Variants in CALN1 observed in about 807,000 individuals in gnomAD.
The protein encoded by CALN1 is calneuron 1.
CALN1 carries 17 observed loss-of-function variants against 30.6 expected under a neutral mutation model. The ratio of observed to expected loss-of-function variants is 0.56; its 90% CI spans 0.38 to 0.83. The LOEUF is 0.83. Ranked by LOEUF, CALN1 falls within the 40% of genes least tolerant of loss-of-function variation. The probability of loss-of-function intolerance (pLI) is 0.00; values close to 1 mark genes in which losing one functional copy is unlikely to be tolerated. For synonymous variants in CALN1, 156 were observed against 131.4 expected, an observed-to-expected ratio of 1.19 and a Z score of -1.28; for missense variants, 291 against 354.9, an observed-to-expected ratio of 0.82 and a Z score of 1.45.
chr7:72,132,291 C>G lies in CALN1; in HGVS notation c.245-25997G>C, dbSNP rs749102282. 5.5e-4 allele frequency among the ~76,000 whole-genome samples: 83 copies of G among 152,170 alleles called. 2 individuals carry two copies. The highest frequency in any genetic ancestry group is 3.7e-3 in the Admixed American group (56 of 15,282). ...TCAGCCTACCATTGGGCAAAACCAT[C>G]TAACATAAGGCCAATTTTATAATAA... is the stretch of plus-strand genomic sequence containing the variant. On this transcript the variant is annotated intron_variant, in intron 3 of 6. Coordinates refer to ENST00000395275, the MANE Select transcript of CALN1 (RefSeq NM_031468.4).
intron 2 of CALN1, among the ~76,000 whole-genome samples, chr7:72,363,840 T>G (rs1398194735): frequency 6.7e-6 from 1 of 149,246 alleles, no homozygotes; most frequent in African/African-American, 2.5e-5. Context: ...TGATTTGCAA[T>G]TCTCTTGCCT....
At chr7:72,212,813 C>T (rs548648629) in intron 3 of CALN1, among the ~76,000 whole-genome samples, 1 of 152,252 alleles carries the variant, frequency 6.6e-6, no homozygotes, top group South Asian at 2.1e-4. Flanking sequence ...GACTCTGACT[C>T]CTAAGAAAAC....
intron 3 of CALN1, among the ~76,000 whole-genome samples, chr7:72,126,728 G>A (rs1177467797): frequency 7.0e-6 from 1 of 141,930 alleles, no homozygotes; most frequent in Admixed American, 7.5e-5. Flanking sequence ...CCATTCCTGA[G>A]TTGCTTCACT....
chr7:72,134,783 C>CT (rs1176530315), intron 3 of CALN1, among the ~76,000 whole-genome samples: 1 of 152,098 alleles, frequency 6.6e-6, no homozygotes, highest in Admixed American at 6.5e-5. Flanking sequence ...TAGATGGACT[C>CT]TTCATTTCAT....
intron 2 of CALN1, among the ~76,000 whole-genome samples, chr7:72,313,892 A>C (rs2129556632): frequency 6.6e-6 from 1 of 152,320 alleles, no homozygotes; most frequent in South Asian, 2.1e-4. Context: ...GAGATGTGGA[A>C]GGCACAAAGA....
intron 4 of CALN1, among the ~76,000 whole-genome samples, chr7:72,031,594 C>T (rs1392515262): frequency 2.0e-5 from 3 of 152,090 alleles, no homozygotes; most frequent in Admixed American, 2.0e-4. Flanking sequence ...TTGCTAGAGA[C>T]AGGATCTCAC....
chr7:71,827,228 C>G (rs557826016), intron 5 of CALN1, among the ~76,000 whole-genome samples: 1 of 152,138 alleles, frequency 6.6e-6, no homozygotes, highest in Non-Finnish European at 1.5e-5. Context: ...GTGGGTCCTC[C>G]GGCGGCAAAT....
At chr7:72,428,586 A>G (rs1279996069) in intron 1 of CALN1, among the ~76,000 whole-genome samples, 1 of 152,042 alleles carries the variant, frequency 6.6e-6, no homozygotes, top group Non-Finnish European at 1.5e-5. Flanking sequence ...GAGACAGGGT[A>G]TCACCATGTT....
At chr7:71,972,097 G>A (rs1797876985) in intron 5 of CALN1, among the ~76,000 whole-genome samples, 1 of 152,006 alleles carries the variant, frequency 6.6e-6, no homozygotes, top group Non-Finnish European at 1.5e-5. Context: ...GGTGAATACG[G>A]ACGTAGTACC....
chr7:72,405,781 C>T (rs1363304767), intron 1 of CALN1, among the ~76,000 whole-genome samples: 1 of 152,240 alleles, frequency 6.6e-6, no homozygotes, highest in Non-Finnish European at 1.5e-5. Context: ...TCCCCAGCAC[C>T]ATGGAAGTTG....
chr7:72,222,503 C>T (rs1330365623), intron 3 of CALN1, among the ~76,000 whole-genome samples: 4 of 152,192 alleles, frequency 2.6e-5, no homozygotes, highest in African/African-American at 9.6e-5. Context: ...GAGGATGGTG[C>T]TAAACCATTC....
intron 6 of CALN1, among the ~76,000 whole-genome samples, chr7:71,808,031 G>A (rs370900708): frequency 1.6e-4 from 24 of 152,170 alleles, no homozygotes; most frequent in African/African-American, 5.3e-4. Flanking sequence ...CAGAGATTGC[G>A]CCACTGCACT....
intron 3 of CALN1, among the ~76,000 whole-genome samples, chr7:72,138,226 G>A (rs1041288426): frequency 1.3e-5 from 2 of 152,064 alleles, no homozygotes; most frequent in Non-Finnish European, 2.9e-5. Flanking sequence ...TATATGACAT[G>A]TAAAGATGGA....
intron 2 of CALN1, among the ~76,000 whole-genome samples, chr7:72,328,162 A>G (rs1801413574): frequency 1.3e-5 from 2 of 152,228 alleles, no homozygotes; most frequent in Admixed American, 6.5e-5. Flanking sequence ...TCTTAAGCAC[A>G]AAACAGAGCC....
At chr7:72,410,962 T>C (rs1010406579) in intron 1 of CALN1, among the ~76,000 whole-genome samples, 1 of 152,198 alleles carries the variant, frequency 6.6e-6, no homozygotes, top group African/African-American at 2.4e-5. Flanking sequence ...AATAAAGTTA[T>C]TTTAAGGTGA....
At chr7:71,830,594 T>A (rs948850133) in intron 5 of CALN1, among the ~76,000 whole-genome samples, 1 of 151,196 alleles carries the variant, frequency 6.6e-6, no homozygotes, top group Non-Finnish European at 1.5e-5. Flanking sequence ...GTGATCCACC[T>A]GCCTCGGCCT....
At chr7:71,971,953 A>AAAAAAG (rs1797839188) in intron 5 of CALN1, among the ~76,000 whole-genome samples, 5 of 72,836 alleles carry the variant, frequency 6.9e-5, no homozygotes, top group Admixed American at 2.1e-4. Flanking sequence ...AAAAAAAAAA[A>AAAAAAG]AAAGAAAGAA....
intron 3 of CALN1, among the ~76,000 whole-genome samples, chr7:72,204,111 C>T (rs540417656): frequency 3.9e-4 from 58 of 150,404 alleles, no homozygotes; most frequent in Non-Finnish European, 6.2e-4. Flanking sequence ...GCCTTAGCCT[C>T]CCCAGTAGCT....
chr7:72,244,625 T>C (rs1297986320), intron 3 of CALN1, among the ~76,000 whole-genome samples: 1 of 150,916 alleles, frequency 6.6e-6, no homozygotes, highest in Non-Finnish European at 1.5e-5. Flanking sequence ...AGCTGTAGGG[T>C]GATTTTAGAA....
Sources: gnomAD v4.1 joint callset for allele counts (sites outside exome capture counted in the v4.1 genomes callset) on GRCh38, gnomAD v4.1.1 for gene constraint, MANE v1.5 for transcripts, NCBI Gene and HGNC (gene_info 2026-07-23, HGNC 2026-07-21) for gene names.